Variants in KCNAB1 observed in about 807,000 individuals in gnomAD.
KCNAB1 encodes the protein voltage-gated potassium channel subunit beta-1.
KCNAB1 carries 35 observed loss-of-function variants against 64.6 expected under a neutral mutation model. The observed-to-expected ratio is 0.54, with a 90% CI of 0.41 to 0.72. KCNAB1 has a LOEUF of 0.72. KCNAB1 is among the 30% of genes least tolerant of loss of function. KCNAB1 has a pLI of 0.00. For synonymous variants in KCNAB1, 177 were observed against 183.8 expected (o/e 0.96, Z 0.30); for missense variants, 401 against 512.9 (o/e 0.78, Z 2.11).
intron 1 of KCNAB1, among the ~76,000 whole-genome samples, chr3:156,173,021 AAGAC>A (rs1424750106): frequency 4.6e-5 from 7 of 152,336 alleles, no homozygotes; most frequent in African/African-American, 1.7e-4. Context: ...CTTCTAGGGA[AAGAC>A]ATGTAAGGCT....
At chr3:156,412,386 CAG>C (rs1438215882) in intron 1 of KCNAB1, among the ~76,000 whole-genome samples, 1 of 152,022 alleles carries the variant, frequency 6.6e-6, no homozygotes, top group Non-Finnish European at 1.5e-5. Context: ...TGTACTATGA[CAG>C]TGAATAAGAC....
intron 8 of KCNAB1, among the ~76,000 whole-genome samples, chr3:156,513,956 T>C (rs770256248): frequency 1.3e-5 from 2 of 152,230 alleles, no homozygotes. Flanking sequence ...TCACCTTCAA[T>C]GACCTTACAT....
chr3:156,135,311 T>A (rs1714277109), intron 1 of KCNAB1, among the ~76,000 whole-genome samples: 1 of 152,126 alleles, frequency 6.6e-6, no homozygotes, highest in South Asian at 2.1e-4. Flanking sequence ...TTAGCTTTTT[T>A]TTCCCCCATT....
At chr3:156,137,778 A>T (rs1714450995) in intron 1 of KCNAB1, among the ~76,000 whole-genome samples, 1 of 150,540 alleles carries the variant, frequency 6.6e-6, no homozygotes, top group Non-Finnish European at 1.5e-5. Flanking sequence ...CTGGTCTCGA[A>T]CTCCTGACCT....
At chr3:156,369,412 T>TATC (rs1189883324) in intron 1 of KCNAB1, among the ~76,000 whole-genome samples, 5 of 152,274 alleles carry the variant, frequency 3.3e-5, no homozygotes. Context: ...TTCTTGTATG[T>TATC]ATCTTTCTGT....
At chr3:156,523,716 G>A in intron 11 of KCNAB1, 111 bp from the exon 12 acceptor site, 1 of 1,022,928 alleles carries the variant, frequency 9.8e-7, no homozygotes, top group Non-Finnish European at 1.5e-6. Context: ...AAACATAAGG[G>A]TCAAAAAATT....
chr3:156,379,870 A>G (rs953691310), intron 1 of KCNAB1, among the ~76,000 whole-genome samples: 10 of 152,184 alleles, frequency 6.6e-5, no homozygotes, highest in Admixed American at 2.6e-4. Context: ...GTGGTAAGCA[A>G]CAATTTTTTT....
intron 1 of KCNAB1, among the ~76,000 whole-genome samples, chr3:156,223,613 G>C (rs1350162529): frequency 6.6e-6 from 1 of 152,108 alleles, no homozygotes; most frequent in Non-Finnish European, 1.5e-5. Flanking sequence ...AGTGCTGATT[G>C]GTGTATTTAC....
chr3:156,230,014 A>C (rs938689329), intron 1 of KCNAB1, among the ~76,000 whole-genome samples: 1 of 152,178 alleles, frequency 6.6e-6, no homozygotes, highest in Non-Finnish European at 1.5e-5. Flanking sequence ...TGAATGTTCT[A>C]CTTGTAAAGA....
At chr3:156,356,533 G>A (rs55973260) in intron 1 of KCNAB1, among the ~76,000 whole-genome samples, 15,340 of 152,044 alleles carry the variant, frequency 0.1, 2,556 homozygotes, top group African/African-American at 0.35. Flanking sequence ...TTAAACCCAC[G>A]TGCTCTGATT....
intron 1 of KCNAB1, among the ~76,000 whole-genome samples, chr3:156,254,036 A>T (rs895242421): frequency 2.6e-5 from 4 of 152,152 alleles, no homozygotes; most frequent in Non-Finnish European, 5.9e-5. Context: ...CTGGAGGTTG[A>T]TGTGTAAGGA....
In KCNAB1 at chr3:156,481,933, G is replaced by T. The variant is rs1714843870; in HGVS notation, c.658+7113G>T. Among the ~76,000 whole-genome samples, 5 of 152,108 alleles carry T rather than the reference G, an allele frequency of 3.3e-5. No individual in the cohort carries two copies. In the South Asian group the frequency reaches 8.3e-4, roughly 25 times the overall value. ...AAGCTCCATTTCTAGAATGCCCTAG[G>T]TAAGGCATGTAAAACTCTCCTTTCT... On this transcript the variant is annotated intron_variant, in intron 8 of 13. Coordinates refer to ENST00000490337, the MANE Select transcript of KCNAB1 (RefSeq NM_172160.3).
intron 1 of KCNAB1, among the ~76,000 whole-genome samples, chr3:156,349,900 C>A (rs1464611676): frequency 1.3e-5 from 2 of 152,238 alleles, no homozygotes; most frequent in East Asian, 1.9e-4. Context: ...CTACTGAGTT[C>A]TTTTCTCCCC....
At chr3:156,260,452 C>T (rs1409553715) in intron 1 of KCNAB1, among the ~76,000 whole-genome samples, 1 of 152,176 alleles carries the variant, frequency 6.6e-6, no homozygotes, top group Non-Finnish European at 1.5e-5. Context: ...GCCCCAGCAA[C>T]CACTAATCTG....
At chr3:156,160,670 T>C (rs950873715) in intron 1 of KCNAB1, among the ~76,000 whole-genome samples, 2 of 152,158 alleles carry the variant, frequency 1.3e-5, no homozygotes, top group Non-Finnish European at 2.9e-5. Context: ...TAGGAAGTGA[T>C]TTGAATAATA....
At chr3:156,215,527 TG>T (rs2108401682) in intron 1 of KCNAB1, 1 of 152,270 alleles carries the variant, frequency 6.6e-6, no homozygotes, top group African/African-American at 2.4e-5. Context: ...AATTTTGACT[TG>T]GGGGTTGGTG....
intron 1 of KCNAB1, among the ~76,000 whole-genome samples, chr3:156,372,180 T>G (rs1726348164): frequency 6.6e-6 from 1 of 152,084 alleles, no homozygotes; most frequent in South Asian, 2.1e-4. Context: ...CAGAAGCAAA[T>G]TAGGCAGAGA....
intron 1 of KCNAB1, among the ~76,000 whole-genome samples, chr3:156,194,101 T>C (rs1290843940): frequency 6.6e-6 from 1 of 152,056 alleles, no homozygotes; most frequent in Non-Finnish European, 1.5e-5. Context: ...CCATAATATA[T>C]TGCTATTAGT....
At chr3:156,292,114 T>G in intron 1 of KCNAB1, 1 of 1,613,952 alleles carries the variant, frequency 6.2e-7, no homozygotes, top group South Asian at 1.1e-5. Flanking sequence ...CAAAGCAGAC[T>G]GGCATGAAAT....
Sources: gnomAD v4.1 joint callset for allele counts (sites outside exome capture counted in the v4.1 genomes callset) on GRCh38, gnomAD v4.1.1 for gene constraint, MANE v1.5 for transcripts, NCBI Gene and HGNC (gene_info 2026-07-23, HGNC 2026-07-21) for gene names.